The following PCLO variants were observed in gnomAD, a reference collection of about 807,000 sequenced individuals.
PCLO encodes piccolo presynaptic cytomatrix protein, also known as protein piccolo.
PCLO carries 82 observed loss-of-function variants against 427.5 expected under a neutral mutation model. That is an observed-to-expected ratio of 0.19 (90% CI 0.16 to 0.23). The LOEUF is 0.23. Among genes scored for constraint, PCLO ranks in the 10% least tolerant of loss-of-function variants. PCLO has a pLI of 1.00. For missense variants in PCLO, 6,239 were observed against 6,115.9 expected (o/e 1.02, Z -0.67); for synonymous variants, 2,357 against 2,155.4 (o/e 1.09, Z -2.59).
At chr7:82,841,420 A>G in intron 14 of PCLO, 39 bp downstream of exon 14, 1 of 1,318,284 alleles carries the variant, frequency 7.6e-7, no homozygotes, top group South Asian at 1.2e-5. Flanking sequence ...AACAACCAAA[A>G]AAGGTTATAT....
At chr7:83,038,715 G>A (rs117887835) in intron 3 of PCLO, among the ~76,000 whole-genome samples, 2 of 152,054 alleles carry the variant, frequency 1.3e-5, no homozygotes, top group East Asian at 1.9e-4. Context: ...GTGTGAACAT[G>A]TTACTTTATG....
At chr7:83,013,723 T>C (rs540020691) in intron 3 of PCLO, among the ~76,000 whole-genome samples, 3 of 152,326 alleles carry the variant, frequency 2.0e-5, no homozygotes, top group Admixed American at 2.0e-4. Flanking sequence ...GAAATGTAAC[T>C]TCTGAGACTG....
Position 83,162,698 on chromosome 7 carries a change from G to T in PCLO, c.-106C>A, listed in dbSNP as rs1792479559. ...AGAGCCGGGGTCCGCCTCGGGGCGT[G>T]CAGGCAGCCGAGTCCCTGGACTCTG... On this transcript the variant is annotated 5_prime_UTR_variant, in exon 1 of 25. Transcript: ENST00000333891. 2 of 1,382,820 alleles carry T rather than the reference G, an allele frequency of 1.4e-6. No homozygotes were observed. Among genetic ancestry groups the T allele is most frequent in the Non-Finnish European group, 1.9e-6 (2 of 1,050,308 alleles). 85.7% of individuals were successfully genotyped at this position (1,382,820 alleles called of 1,614,324 possible). A position where few individuals can be genotyped will look rare whatever the true frequency, so the allele number is the denominator to read the frequency against.
chr7:82,789,780 C>T (rs978005619), intron 22 of PCLO, among the ~76,000 whole-genome samples: 11 of 152,176 alleles, frequency 7.2e-5, no homozygotes, highest in African/African-American at 2.4e-4. Flanking sequence ...CTTTAAAGTA[C>T]TATATTGTCT....
At chr7:83,042,079 T>C (rs1788986777) in intron 3 of PCLO, among the ~76,000 whole-genome samples, 1 of 152,248 alleles carries the variant, frequency 6.6e-6, no homozygotes, top group East Asian at 1.9e-4. Flanking sequence ...TGGGAGTTGA[T>C]TTAAAACATT....
At chr7:83,090,784 T>TAAAA (rs1332152390) in intron 3 of PCLO, among the ~76,000 whole-genome samples, 1 of 152,182 alleles carries the variant, frequency 6.6e-6, no homozygotes, top group Non-Finnish European at 1.5e-5. Context: ...TAAAACAGTA[T>TAAAA]ATTTTCAGTA....
chr7:83,059,385 TGAAAA>T (rs1789488615), intron 3 of PCLO, among the ~76,000 whole-genome samples: 1 of 131,996 alleles, frequency 7.6e-6, no homozygotes, highest in Non-Finnish European at 1.6e-5. Flanking sequence ...TATATAAAAA[TGAAAA>T]ATAAGGTGAG....
rs550300721 is a variant in PCLO, at chr7:82,953,297, A to G, written c.7656T>C (p.Tyr2552=). 3 of 1,613,752 alleles carry G rather than the reference A, an allele frequency of 1.9e-6. No homozygotes were observed. The highest frequency in any genetic ancestry group is 2.7e-5 in the African/African-American group (2 of 74,998). ...GTGGGGAGGTAGGGGAAGGCAATTTATAATCTGCTGAAGTCACTAAATTTA... is the reference window on the plus strand; with the variant it reads ...GTGGGGAGGTAGGGGAAGGCAATTTGTAATCTGCTGAAGTCACTAAATTTA... ...MTLNLVTSAD[Y]KLPSPTSPLS... is the part of the protein sequence containing the mutation. The change falls in exon 5 of 25, where the codon TAT becomes TAC. Residue 2552 remains tyrosine, a synonymous_variant. Transcript: ENST00000333891.
rs1190695048 is a variant in PCLO at position 82,879,417 on chromosome 7, C to G, written c.13574G>C (p.Gly4525Ala). Residue 4525 changes from glycine (G) to alanine (A), a missense_variant, in exon 10 of 25, where the codon GGA becomes GCA. This residue lies in a region of PCLO where 877 missense variants were observed against 925.5 expected (regional missense o/e 0.95). Transcript: ENST00000333891. Reference protein sequence around the residue: ...IRIVGGKEIPGHSGEIGAYIA... With the variant: ...IRIVGGKEIPAHSGEIGAYIA... ...ATAGGCTCCAATTTCTCCACTATGT[C>G]CCGGGATTTCTTTACCACCCACAAT... 1 of 1,608,880 alleles carries G rather than the reference C, an allele frequency of 6.2e-7. No individual in the cohort carries two copies. Among genetic ancestry groups the G allele is most frequent in the East Asian group, 2.2e-5 (1 of 44,660 alleles).
intron 22 of PCLO, among the ~76,000 whole-genome samples, chr7:82,782,631 G>A (rs1355411265): frequency 6.6e-6 from 1 of 152,102 alleles, no homozygotes; most frequent in Non-Finnish European, 1.5e-5. Context: ...AATGAATTAT[G>A]TATAAATTCT....
intron 9 of PCLO, among the ~76,000 whole-genome samples, chr7:82,882,382 T>G (rs897363940): frequency 6.6e-6 from 1 of 152,162 alleles, no homozygotes; most frequent in Non-Finnish European, 1.5e-5. Context: ...CAAATTTTTA[T>G]CAAGATAAGG....
intron 9 of PCLO, among the ~76,000 whole-genome samples, chr7:82,882,534 C>CT (rs1245926717): frequency 6.6e-6 from 1 of 152,004 alleles, no homozygotes; most frequent in East Asian, 1.9e-4. Context: ...AACATAAGTG[C>CT]TTTACTAAAA....
At chr7:83,059,379 T>A (rs892611965) in intron 3 of PCLO, among the ~76,000 whole-genome samples, 25 of 125,126 alleles carry the variant, frequency 2.0e-4, no homozygotes, top group South Asian at 4.6e-4. Flanking sequence ...TATATATATA[T>A]AAAAATGAAA....
chr7:82,794,459 CTTTTTTTTTTTT>C (rs778108792), intron 22 of PCLO, among the ~76,000 whole-genome samples: 626 of 56,410 alleles, frequency 0.011, 28 homozygotes, highest in African/African-American at 0.027. Context: ...AATTTTTTTT[CTTTTTTTTTTTT>C]TTTTTTTTTT....
Position 82,950,054 on chromosome 7 carries a change from T to C in PCLO, c.10534A>G (p.Lys3512Glu), listed in dbSNP as rs1795298761. Residue 3512 changes from lysine to glutamate, a missense_variant, in exon 6 of 25, where the codon AAA (lysine) becomes GAA (glutamate). Physicochemically the swap from Lys to Glu is moderately conservative, Grantham distance 56. Around this residue, in one of 5 missense-constraint regions of PCLO, gnomAD observed 4,677 missense variants for 4,468.4 expected, o/e 1.05. Transcript: ENST00000333891. ...TEADKTKPLS[K>E]VSSIAVQTVA... ...GTTTGAACTGCTATGCTGGAGACTT[T>C]GGAAAGGGGTTTGGTCTTGTCAGCC... is the stretch of plus-strand genomic sequence containing the variant. 2 of 1,612,580 alleles carry C rather than the reference T, an allele frequency of 1.2e-6. No individual in the cohort carries two copies. Among genetic ancestry groups the C allele is most frequent in the Non-Finnish European group, 8.5e-7 (1 of 1,179,658 alleles).
chr7:82,821,911 A>G, intron 20 of PCLO: 1 of 985,630 alleles, frequency 1.0e-6, no homozygotes, highest in Non-Finnish European at 1.2e-6. Context: ...TTTTTTGCAC[A>G]TGGAAAGCTA....
chr7:83,035,679 C>T (rs1039096799), intron 3 of PCLO, among the ~76,000 whole-genome samples: 10 of 151,806 alleles, frequency 6.6e-5, no homozygotes, highest in African/African-American at 9.7e-5. Flanking sequence ...ATCTTTGACG[C>T]GTTTATTTTA....
At position 82,824,366 on chromosome 7, in the gene PCLO, C is replaced by G. The variant is rs745827756; in HGVS notation, c.14466G>C (p.Trp4822Cys). 6.2e-7 allele frequency: 1 copy of G among 1,611,940 alleles called. No individual in the cohort carries two copies. The highest frequency in any genetic ancestry group is 8.5e-7 in the Non-Finnish European group (1 of 1,178,484). The change falls in exon 19 of 25, where the codon TGG becomes TGC. Residue 4822 changes from tryptophan (W) to cysteine (C), a missense_variant. By Grantham distance (215) the Trp-to-Cys change is radical. Transcript: ENST00000333891. ...STSHLDNTPRWYPLKEQTESI... is the reference protein window; with the variant it reads ...STSHLDNTPRCYPLKEQTESI... ...TTTCAGTCTGTTCTTTGAGAGGATACCACCTTGGAGTGTTATCGAGGTGAG... is the reference window on the plus strand; with the variant it reads ...TTTCAGTCTGTTCTTTGAGAGGATAGCACCTTGGAGTGTTATCGAGGTGAG...
At chr7:82,854,750 A>G (rs1433709522) in intron 10 of PCLO, among the ~76,000 whole-genome samples, 1 of 152,152 alleles carries the variant, frequency 6.6e-6, no homozygotes. Flanking sequence ...TCAGAGTTAG[A>G]GAAGGTAAAT....
Sources: allele counts gnomAD v4.1 joint callset (sites outside exome capture counted in the v4.1 genomes callset), GRCh38; gene constraint gnomAD v4.1.1; regional missense constraint gnomAD v4.1.1; transcripts MANE v1.5; gene names NCBI Gene and HGNC (gene_info 2026-07-23, HGNC 2026-07-21).